PKIB: variants seen among roughly 807,000 people sequenced by gnomAD.
The protein encoded by PKIB is PKI-beta.
A neutral mutation model predicts 4.5 loss-of-function variants in PKIB; 2 were observed. That is an observed-to-expected ratio of 0.44 (90% CI 0.18 to 1.39). The LOEUF is 1.39. Among genes scored for constraint, PKIB ranks in the 40% most tolerant of loss-of-function variants. PKIB has a pLI of 0.27. For missense variants in PKIB, 94 were observed against 92.6 expected, an observed-to-expected ratio of 1.02 and a Z score of -0.06; for synonymous variants, 38 against 36.0, an observed-to-expected ratio of 1.06 and a Z score of -0.20.
intron 2 of PKIB, chr6:122,585,698 A>G (rs1259995495): frequency 1.3e-5 from 2 of 152,122 alleles, no homozygotes; most frequent in African/African-American, 2.4e-5. Context: ...GTTAAAACCT[A>G]ATTTCTTTAC....
At chr6:122,562,727 A>T (rs528254444) in intron 2 of PKIB, among the ~76,000 whole-genome samples, 1 of 152,158 alleles carries the variant, frequency 6.6e-6, no homozygotes, top group East Asian at 1.9e-4. Flanking sequence ...GAATTTCTTT[A>T]TTCAACTTGT....
intron 3 of PKIB, among the ~76,000 whole-genome samples, chr6:122,680,258 T>G (rs1477546138): frequency 6.6e-6 from 1 of 152,180 alleles, no homozygotes; most frequent in Non-Finnish European, 1.5e-5. Context: ...CAAAAAAGTA[T>G]GGATTGCCAT....
At chr6:122,707,148 A>G (rs9482272) in intron 3 of PKIB, among the ~76,000 whole-genome samples, 34,861 of 151,942 alleles carry the variant, frequency 0.23, 4,424 homozygotes, top group Non-Finnish European at 0.26. Context: ...ATGAAAAAAT[A>G]TTTCAATTAG....
chr6:122,521,583 G>A (rs1020060969), intron 2 of PKIB, among the ~76,000 whole-genome samples: 1 of 152,196 alleles, frequency 6.6e-6, no homozygotes, highest in Non-Finnish European at 1.5e-5. Flanking sequence ...AGGAGGCTGA[G>A]GCAGGAGAAT....
At chr6:122,701,507 T>A in intron 3 of PKIB, 1 of 1,595,170 alleles carries the variant, frequency 6.3e-7, no homozygotes, top group Non-Finnish European at 8.5e-7. Flanking sequence ...CAGGGTATAG[T>A]TAACAACCAT....
chr6:122,526,205 T>C (rs538279165), intron 2 of PKIB, among the ~76,000 whole-genome samples: 1 of 152,164 alleles, frequency 6.6e-6, no homozygotes, highest in Non-Finnish European at 1.5e-5. Flanking sequence ...TTATTTCCTC[T>C]GCTGAAGTCT....
In PKIB at chr6:122,610,527, G is replaced by C. The variant is rs1774706701; in HGVS notation, c.-169G>C. 6.6e-6 allele frequency: 1 copy of C among 152,490 alleles called. No individual in the cohort carries two copies. Among genetic ancestry groups the C allele is most frequent in the South Asian group, 2.1e-4 (1 of 4,848 alleles). The allele number at this position is 152,490 out of a possible 1,614,324, so 9.4% of individuals were successfully genotyped here. ...GGGCACCGGCAGGGCAGGCAGCTGC[G>C]CGCGGCTGGTACGTACCTGGTGGAG... On this transcript the variant is annotated 5_prime_UTR_variant, in exon 1 of 5. Transcript: ENST00000368452.
At chr6:122,493,813 C>T (rs1031260826) in intron 2 of PKIB, among the ~76,000 whole-genome samples, 2 of 152,136 alleles carry the variant, frequency 1.3e-5, no homozygotes, top group Non-Finnish European at 2.9e-5. Flanking sequence ...TGGTCTTCCT[C>T]TCTGTACCTT....
chr6:122,536,256 GC>G (rs1777403984), intron 2 of PKIB, among the ~76,000 whole-genome samples: 1 of 152,074 alleles, frequency 6.6e-6, no homozygotes, highest in South Asian at 2.1e-4. Context: ...CATTTTTATA[GC>G]CTTGAAAATG....
intron 2 of PKIB, among the ~76,000 whole-genome samples, chr6:122,579,866 G>T (rs373448283): frequency 6.6e-6 from 1 of 152,080 alleles, no homozygotes; most frequent in African/African-American, 2.4e-5. Context: ...TTTAACAAAC[G>T]TCAATTAAAC....
chr6:122,505,573 G>A (rs2114568340), intron 2 of PKIB, among the ~76,000 whole-genome samples: 1 of 152,256 alleles, frequency 6.6e-6, no homozygotes, highest in South Asian at 2.1e-4. Context: ...TTATTTAAGA[G>A]GGTTTTCGTT....
At chr6:122,582,984 ATACT>A (rs1773745599) in intron 2 of PKIB, among the ~76,000 whole-genome samples, 1 of 152,060 alleles carries the variant, frequency 6.6e-6, no homozygotes, top group Non-Finnish European at 1.5e-5. Flanking sequence ...ATATTGATTA[ATACT>A]TAGTCATATG....
intron 2 of PKIB, among the ~76,000 whole-genome samples, chr6:122,562,004 G>GTTTTTTTTTTTGTTTTTTTTTTT (rs1773042644): frequency 1.3e-5 from 1 of 79,480 alleles, no homozygotes; most frequent in African/African-American, 5.1e-5. Flanking sequence ...GTTTTTTTTT[G>GTTTTTTTTTTTGTTTTTTTTTTT]TTTTTTTTTT....
chr6:122,698,974 T>C (rs1425009002), intron 3 of PKIB, among the ~76,000 whole-genome samples: 1 of 152,206 alleles, frequency 6.6e-6, no homozygotes, highest in African/African-American at 2.4e-5. Context: ...ACCCTTTTTG[T>C]GTGAGTTCCT....
intron 3 of PKIB, among the ~76,000 whole-genome samples, chr6:122,685,728 A>G (rs1341956747): frequency 1.3e-5 from 2 of 152,186 alleles, no homozygotes; most frequent in African/African-American, 2.4e-5. Flanking sequence ...CTGTTGTGCT[A>G]TCAAATACTA....
At chr6:122,678,086 G>T (rs1777757123) in intron 3 of PKIB, among the ~76,000 whole-genome samples, 1 of 151,964 alleles carries the variant, frequency 6.6e-6, no homozygotes, top group African/African-American at 2.4e-5. Flanking sequence ...TTTTTGTAGA[G>T]ACGGGGTTTC....
intron 2 of PKIB, among the ~76,000 whole-genome samples, chr6:122,570,414 C>T (rs904247730): frequency 1.3e-5 from 2 of 152,170 alleles, no homozygotes; most frequent in Non-Finnish European, 2.9e-5. Context: ...GGGATAACTC[C>T]CCTACTAACC....
chr6:122,508,875 C>T (rs899405838), intron 2 of PKIB, among the ~76,000 whole-genome samples: 5 of 152,054 alleles, frequency 3.3e-5, no homozygotes, highest in African/African-American at 9.6e-5. Context: ...CTCAGCGTCC[C>T]GAGTAGCTGG....
intron 2 of PKIB, among the ~76,000 whole-genome samples, chr6:122,653,010 T>C (rs914005929): frequency 1.4e-4 from 21 of 152,136 alleles, no homozygotes; most frequent in African/African-American, 4.8e-4. Context: ...GATCTTTGGG[T>C]CCAGGACCCT....
Sources: allele counts gnomAD v4.1 joint callset (sites outside exome capture counted in the v4.1 genomes callset), GRCh38; gene constraint gnomAD v4.1.1; transcripts MANE v1.5; gene names NCBI Gene and HGNC (gene_info 2026-07-23, HGNC 2026-07-21).